POLD3: variants seen among roughly 807,000 people sequenced by gnomAD.
POLD3 encodes DNA polymerase delta 3, accessory subunit, also known as DNA polymerase delta subunit 3.
Under a neutral mutation model 58.2 loss-of-function variants are expected in POLD3, and 19 were observed. That is an observed-to-expected ratio of 0.33 (90% CI 0.23 to 0.48). The LOEUF is 0.48. POLD3 is among the 20% of genes least tolerant of loss of function. POLD3 has a pLI of 0.99. For missense variants in POLD3, 504 were observed against 545.5 expected, an observed-to-expected ratio of 0.92 and a Z score of 0.76; for synonymous variants, 172 against 193.5, an observed-to-expected ratio of 0.89 and a Z score of 0.92.
At chr11:74,639,191 C>A (rs2032840513) in intron 11 of POLD3, among the ~76,000 whole-genome samples, 1 of 152,208 alleles carries the variant, frequency 6.6e-6, no homozygotes, top group South Asian at 2.1e-4. Context: ...CACCCCAGAT[C>A]TGCTGAGTCT....
downstream of POLD3, among the ~76,000 whole-genome samples, chr11:74,647,594 C>T (rs2033015536): frequency 6.6e-6 from 1 of 152,176 alleles, no homozygotes; most frequent in African/African-American, 2.4e-5. Context: ...GGTGCACTTA[C>T]AAATGTGGCT....
At chr11:74,608,361 T>A (rs1204147147) in intron 3 of POLD3, among the ~76,000 whole-genome samples, 2 of 152,178 alleles carry the variant, frequency 1.3e-5, no homozygotes, top group Non-Finnish European at 2.9e-5. Flanking sequence ...GCTCAAGTGA[T>A]CCTCCTGCTT....
downstream of POLD3, among the ~76,000 whole-genome samples, chr11:74,643,667 G>A (rs776858389): frequency 2.0e-5 from 3 of 152,158 alleles, no homozygotes; most frequent in Admixed American, 1.3e-4. Context: ...TTGAGAATAG[G>A]GAGGAAAATG....
Position 74,642,049 on chromosome 11 carries a change from G to GA in POLD3, c.*1284dup. ...GCGGAAGGGGTCAGGCTCAACTGCTGATGTGTCTCACACGTAGCAGACAAG... is the reference window on the plus strand; with the variant it reads ...GCGGAAGGGGTCAGGCTCAACTGCTGAATGTGTCTCACACGTAGCAGACAAG... On this transcript the variant is annotated 3_prime_UTR_variant, in exon 12 of 12. Transcript: ENST00000263681. 1 of 985,482 alleles carries GA rather than the reference G, an allele frequency of 1.0e-6. No individual in the cohort carries two copies. Among genetic ancestry groups the GA allele is most frequent in the Non-Finnish European group, 1.2e-6 (1 of 829,948 alleles). 61.0% of individuals were successfully genotyped at this position (985,482 alleles called of 1,614,324 possible). A position where few individuals can be genotyped will look rare whatever the true frequency, so the allele number is the denominator to read the frequency against.
At position 74,641,691 on chromosome 11, in the gene POLD3, A is replaced by C. The variant is rs1408201183; in HGVS notation, c.*925A>C. Reference sequence around the variant, plus strand: ...TATACAGTGTGCTACATTTACAAAAAATTTCTCCTTAAGAAAACAGAATAT... The same window carrying C: ...TATACAGTGTGCTACATTTACAAAACATTTCTCCTTAAGAAAACAGAATAT... On this transcript the variant is annotated 3_prime_UTR_variant, in exon 12 of 12. Coordinates refer to ENST00000263681, the MANE Select transcript of POLD3 (RefSeq NM_006591.3). The C allele has an allele frequency of 2.0e-6, 2 of 985,204 alleles. No individual in the cohort carries two copies. The highest frequency in any genetic ancestry group is 1.2e-6 in the Non-Finnish European group (1 of 829,846). The allele number at this position is 985,204 out of a possible 1,614,324, so 61.0% of individuals were successfully genotyped here.
intron 4 of POLD3, among the ~76,000 whole-genome samples, chr11:74,657,517 G>T (rs997291597): frequency 4.0e-5 from 2 of 49,764 alleles, no homozygotes; most frequent in African/African-American, 7.9e-5. Context: ...AACACTGATT[G>T]CATAAACAAA....
rs1186843578 is a variant in POLD3 at position 74,634,607 on chromosome 11, A to T, written c.1031A>T (p.Tyr344Phe). Reference protein sequence around the residue: ...DEVFPDSPGAYEAESPSPPPP... With the variant: ...DEVFPDSPGAFEAESPSPPPP... The stretch of plus-strand genomic sequence containing the variant: ...GTCTTTCCAGACTCTCCTGGGGCTT[A>T]TGAAGCTGAGTCACCATCCCCACCT... The change falls in exon 10 of 12, where the codon TAT (tyrosine) becomes TTT (phenylalanine). Residue 344 changes from tyrosine to phenylalanine, a missense_variant. Tyr to Phe is a conservative substitution (Grantham distance 22, BLOSUM62 3). Around this residue, in one of 2 missense-constraint regions of POLD3, gnomAD observed 385 missense variants for 370.5 expected, o/e 1.04. Transcript: ENST00000263681. 1.2e-6 allele frequency: 2 copies of T among 1,609,960 alleles called. No homozygotes were observed. The highest frequency in any genetic ancestry group is 1.7e-6 in the Non-Finnish European group (2 of 1,176,428).
chr11:74,618,666 C>T lies in POLD3; in HGVS notation c.522C>T (p.Thr174=). The change falls in exon 6 of 12, where the codon ACC becomes ACT. Residue 174 remains threonine (T), a synonymous_variant. Coordinates refer to ENST00000263681, the MANE Select transcript of POLD3 (RefSeq NM_006591.3). The stretch of plus-strand genomic sequence containing the variant: ...CACAAGCCAACAATGAGCTGACCAC[C>T]AATGGTCATGGCCCACCTGCATCCA... ...SETQANNELT[T]NGHGPPASKQ... 1.9e-6 allele frequency: 3 copies of T among 1,614,010 alleles called. No homozygotes were observed. Among genetic ancestry groups the T allele is most frequent in the Non-Finnish European group, 2.5e-6 (3 of 1,179,922 alleles).
At chr11:74,666,506 A>G (rs924297284) in intron 4 of POLD3, among the ~76,000 whole-genome samples, 1 of 152,168 alleles carries the variant, frequency 6.6e-6, no homozygotes, top group African/African-American at 2.4e-5. Flanking sequence ...CTGTAATCCC[A>G]GGTACTTGGG....
At position 74,631,081 on chromosome 11, in the gene POLD3, TTTA is replaced by T. The variant is rs547416065; in HGVS notation, c.1006+1761_1006+1763del. Among the ~76,000 whole-genome samples, 21 of 152,372 alleles carry T rather than the reference TTTA, an allele frequency of 1.4e-4. No homozygotes were observed. The South Asian group carries it at 4.1e-3, about 30-fold the overall frequency. Reference sequence around the variant, plus strand: ...GACTAAATTTATAAACCTCTGACATTTTATTCTTAAATTTCATCTTTGTATCAA... The same window carrying T: ...GACTAAATTTATAAACCTCTGACATTTTCTTAAATTTCATCTTTGTATCAA... On this transcript the variant is annotated intron_variant, in intron 9 of 11. Transcript: ENST00000263681.
At chr11:74,629,416 G>A (rs1332236176) in intron 9 of POLD3, 93 bp downstream of exon 9, 7 of 671,804 alleles carry the variant, frequency 1.0e-5, no homozygotes, top group Non-Finnish European at 1.8e-5. Flanking sequence ...ATCACAATGA[G>A]AGTAGTAATT....
intron 6 of POLD3, among the ~76,000 whole-genome samples, 182 bp downstream of exon 6, chr11:74,618,986 G>A (rs1002190150): frequency 6.6e-6 from 1 of 152,128 alleles, no homozygotes; most frequent in South Asian, 2.1e-4. Flanking sequence ...TTTTGCTTTT[G>A]ATAATGATTC....
intron 6 of POLD3, among the ~76,000 whole-genome samples, chr11:74,619,352 AATT>A (rs2032179290): frequency 6.7e-6 from 1 of 150,044 alleles, no homozygotes; most frequent in Non-Finnish European, 1.5e-5. Flanking sequence ...AGAAAAGCAT[AATT>A]ATTGTTGTTA....
intron 2 of POLD3, among the ~76,000 whole-genome samples, chr11:74,597,738 GC>G (rs1259471768): frequency 6.6e-6 from 1 of 152,188 alleles, no homozygotes; most frequent in Non-Finnish European, 1.5e-5. Context: ...GGGATTGCAG[GC>G]ATAAGCCACT....
intron 2 of POLD3, among the ~76,000 whole-genome samples, chr11:74,596,181 T>C (rs922718453): frequency 6.6e-6 from 1 of 151,004 alleles, no homozygotes; most frequent in African/African-American, 2.4e-5. Context: ...AAGATTTTTT[T>C]TTTTCTTTTT....
chr11:74,597,585 C>T (rs115418797), intron 2 of POLD3, among the ~76,000 whole-genome samples: 1,768 of 152,262 alleles, frequency 0.012, 28 homozygotes, highest in African/African-American at 0.04. Flanking sequence ...CTCAGCCTCC[C>T]GACTAGCTGG....
intron 11 of POLD3, among the ~76,000 whole-genome samples, chr11:74,638,241 G>T (rs1275777270): frequency 6.6e-6 from 1 of 152,084 alleles, no homozygotes; most frequent in Non-Finnish European, 1.5e-5. Flanking sequence ...GTTTGCGGTA[G>T]CTACAGCTTT....
intron 4 of POLD3, among the ~76,000 whole-genome samples, chr11:74,648,126 A>G (rs770452675): frequency 6.6e-6 from 1 of 152,238 alleles, no homozygotes; most frequent in Non-Finnish European, 1.5e-5. Flanking sequence ...ATGGAAGTCA[A>G]CTTCCCTTTG....
intron 7 of POLD3, among the ~76,000 whole-genome samples, chr11:74,623,091 T>C (rs2032315744): frequency 6.6e-6 from 1 of 152,192 alleles, no homozygotes; most frequent in Admixed American, 6.5e-5. Flanking sequence ...GAAAAGATCA[T>C]ATATTATTTC....
Sources: gnomAD v4.1 joint callset for allele counts (sites outside exome capture counted in the v4.1 genomes callset) on GRCh38, gnomAD v4.1.1 for gene constraint, gnomAD v4.1.1 regional missense constraint, MANE v1.5 for transcripts, NCBI Gene and HGNC (gene_info 2026-07-23, HGNC 2026-07-21) for gene names.